The following CFAP44 variants were observed in gnomAD, a reference collection of about 807,000 sequenced individuals.
CFAP44 encodes the protein cilia- and flagella-associated protein 44.
In CFAP44, 134 loss-of-function variants were observed where a neutral mutation model predicts 216.2. The observed-to-expected ratio is 0.62, with a 90% CI of 0.54 to 0.72. The LOEUF (loss-of-function observed/expected upper bound fraction) is 0.72. Among genes scored for constraint, CFAP44 ranks in the 30% least tolerant of loss-of-function variants. The pLI is 0.00. For missense variants in CFAP44, 2,035 were observed against 2,182.1 expected, an observed-to-expected ratio of 0.93 and a Z score of 1.34; for synonymous variants, 700 against 727.6, an observed-to-expected ratio of 0.96 and a Z score of 0.61.
intron 30 of CFAP44, 53 bp downstream of exon 30, chr3:113,306,148 T>C (rs1475517707): frequency 6.6e-7 from 1 of 1,507,960 alleles, no homozygotes; most frequent in African/African-American, 1.4e-5. Context: ...ATATTATAGC[T>C]AGGAGGATGT....
intron 15 of CFAP44, among the ~76,000 whole-genome samples, chr3:113,394,700 T>C (rs1490416885): frequency 6.6e-6 from 1 of 151,758 alleles, no homozygotes; most frequent in Non-Finnish European, 1.5e-5. Flanking sequence ...TAAAATACAC[T>C]AACACTAACA....
chr3:113,328,696 TAAAAAAAAAAAAAAAA>T (rs58650082), intron 26 of CFAP44, among the ~76,000 whole-genome samples: 7 of 28,532 alleles, frequency 2.5e-4, no homozygotes, highest in South Asian at 2.2e-3. Flanking sequence ...TTAGAGAGCT[TAAAAAAAAAAAAAAAA>T]AAAAAAAAAA....
intron 6 of CFAP44, among the ~76,000 whole-genome samples, chr3:113,410,664 GTAA>G (rs1444577001): frequency 6.6e-6 from 1 of 152,244 alleles, no homozygotes; most frequent in East Asian, 1.9e-4. Flanking sequence ...TATATACCCA[GTAA>G]TGGGATGGCT....
At chr3:113,302,457 T>TTAAAAAAAAAAAAAAAA (rs1949944738) in intron 32 of CFAP44, among the ~76,000 whole-genome samples, 2 of 75,812 alleles carry the variant, frequency 2.6e-5, no homozygotes, top group South Asian at 4.6e-4. Flanking sequence ...CTAGACAAAG[T>TTAAAAAAAAAAAAAAAA]AAAAAAAAAA....
chr3:113,299,031 A>G (rs1048522222), intron 32 of CFAP44, among the ~76,000 whole-genome samples: 1 of 152,238 alleles, frequency 6.6e-6, no homozygotes, highest in Non-Finnish European at 1.5e-5. Flanking sequence ...AAACTTAGAA[A>G]TTATTAACCC....
intron 9 of CFAP44, 54 bp from the exon 10 acceptor site, chr3:113,401,793 T>C (rs1934150125): frequency 1.3e-6 from 2 of 1,527,530 alleles, no homozygotes; most frequent in Non-Finnish European, 1.8e-6. Context: ...TGAACATTTA[T>C]TTTCTAAGCC....
chr3:113,430,459 C>T (rs1334461154), intron 2 of CFAP44, among the ~76,000 whole-genome samples: 1 of 128,210 alleles, frequency 7.8e-6, no homozygotes. Flanking sequence ...AGTAAATTAG[C>T]AAAGCCAAAA....
Position 113,311,546 on chromosome 3 carries a change from T to C in CFAP44, c.4517-3278A>G, listed in dbSNP as rs368790155. Among the ~76,000 whole-genome samples, 15 of 152,328 alleles carry C rather than the reference T, an allele frequency of 9.8e-5. No homozygotes were observed. The East Asian group carries it at 1.7e-3, about 18-fold the overall frequency. ...TGAGGCATCCCCAGCCATGTGGAAG[T>C]GTAAGTCCAATTAAACCTCTTTTTC... On this transcript the variant is annotated intron_variant, in intron 28 of 34. Coordinates refer to ENST00000393845, the MANE Select transcript of CFAP44 (RefSeq NM_001164496.2).
chr3:113,366,309 G>A lies in CFAP44; in HGVS notation c.2445C>T (p.Asn815=). ...CACAAAACATCATAACTTTGTTAAT[G>A]CTACGAAACAAAAAATGTAAATTGT... The part of the protein sequence containing the change: ...EDNPIQTITF[N]INKVMMFCGM... The change falls in exon 19 of 35, where the codon AAC becomes AAT. Residue 815 remains asparagine (N), a splice_region_variant and synonymous_variant. Coordinates refer to ENST00000393845, the MANE Select transcript of CFAP44 (RefSeq NM_001164496.2). The A allele has an allele frequency of 6.3e-7, 1 of 1,585,642 alleles. No individual in the cohort carries two copies. The highest frequency in any genetic ancestry group is 1.7e-5 in the Admixed American group (1 of 57,382).
chr3:113,316,034 T>G (rs1039460875), intron 28 of CFAP44, among the ~76,000 whole-genome samples: 14 of 152,182 alleles, frequency 9.2e-5, no homozygotes, highest in African/African-American at 3.4e-4. Context: ...CCAAGATAGA[T>G]CATATGTTAG....
intron 23 of CFAP44, among the ~76,000 whole-genome samples, chr3:113,343,254 G>A (rs1950351784): frequency 6.6e-6 from 1 of 151,540 alleles, no homozygotes. Context: ...GTAGAGATGG[G>A]GTTTCACCAT....
intron 4 of CFAP44, 32 bp from the exon 5 acceptor site, chr3:113,420,211 A>C: frequency 5.0e-6 from 8 of 1,593,550 alleles, no homozygotes; most frequent in Non-Finnish European, 6.8e-6. Flanking sequence ...AAAGAAGTGA[A>C]AAACACTACC....
At chr3:113,358,964 T>C in intron 21 of CFAP44, 89 bp from the exon 22 acceptor site, 3 of 1,396,166 alleles carry the variant, frequency 2.1e-6, no homozygotes, top group Non-Finnish European at 2.8e-6. Flanking sequence ...TCATGCTGCA[T>C]CATAACTCTT....
chr3:113,386,459 T>A (rs1933651033), intron 15 of CFAP44, among the ~76,000 whole-genome samples: 1 of 152,242 alleles, frequency 6.6e-6, no homozygotes, highest in Non-Finnish European at 1.5e-5. Context: ...TGTCTTCTTT[T>A]GTGTTTGTCA....
At chr3:113,315,536 G>T (rs1950078322) in intron 28 of CFAP44, among the ~76,000 whole-genome samples, 1 of 152,148 alleles carries the variant, frequency 6.6e-6, no homozygotes, top group Non-Finnish European at 1.5e-5. Context: ...ACATAGAAAA[G>T]CAGCAAGAAT....
At chr3:113,308,375 CT>C in intron 28 of CFAP44, 107 bp from the exon 29 acceptor site, 1 of 850,062 alleles carries the variant, frequency 1.2e-6, no homozygotes, top group Admixed American at 3.1e-5. Context: ...AGAAAAATAA[CT>C]CAATATAAGA....
At chr3:113,359,554 T>G (rs991158484) in intron 21 of CFAP44, among the ~76,000 whole-genome samples, 13 of 152,342 alleles carry the variant, frequency 8.5e-5, no homozygotes, top group Middle Eastern at 3.4e-3. Context: ...TCTGGAAGTT[T>G]CAACATTTTT....
At chr3:113,347,244 T>C (rs1950394156) in intron 22 of CFAP44, among the ~76,000 whole-genome samples, 1 of 152,216 alleles carries the variant, frequency 6.6e-6, no homozygotes, top group African/African-American at 2.4e-5. Flanking sequence ...TTGGTTTGCC[T>C]GGAAACAGCT....
intron 22 of CFAP44, among the ~76,000 whole-genome samples, chr3:113,357,134 T>C (rs1576567024): frequency 6.6e-6 from 1 of 152,018 alleles, no homozygotes; most frequent in East Asian, 1.9e-4. Context: ...TGAAAATCAC[T>C]CATCAGGGAG....
Sources: gnomAD v4.1 joint callset for allele counts (sites outside exome capture counted in the v4.1 genomes callset) on GRCh38, gnomAD v4.1.1 for gene constraint, MANE v1.5 for transcripts, NCBI Gene and HGNC (gene_info 2026-07-23, HGNC 2026-07-21) for gene names.